UBA6: variants seen among roughly 807,000 people sequenced by gnomAD.
The protein encoded by UBA6 is ubiquitin like modifier activating enzyme 6.
A neutral mutation model predicts 148.3 loss-of-function variants in UBA6; 87 were observed. That is an observed-to-expected ratio of 0.59 (90% CI 0.49 to 0.70). The LOEUF is 0.70. UBA6 is among the 30% of genes least tolerant of loss of function. The probability of loss-of-function intolerance (pLI) is 0.00; values close to 1 mark genes in which losing one functional copy is unlikely to be tolerated. For missense variants in UBA6, 1,186 were observed against 1,241.2 expected (o/e 0.96, Z 0.67); for synonymous variants, 376 against 401.0 (o/e 0.94, Z 0.75).
intron 13 of UBA6, among the ~76,000 whole-genome samples, chr4:67,653,598 A>G (rs574329774): frequency 3.0e-4 from 45 of 152,348 alleles, no homozygotes; most frequent in Middle Eastern, 3.4e-3. Flanking sequence ...CAGAAAAGCC[A>G]AAAATTCTAA....
Position 67,670,536 on chromosome 4 carries a change from A to G in UBA6, c.603T>C (p.Asp201=). 6.2e-7 allele frequency: 1 copy of G among 1,608,012 alleles called. No homozygotes were observed. Among genetic ancestry groups the G allele is most frequent in the Non-Finnish European group, 8.5e-7 (1 of 1,174,610 alleles). The change falls in exon 8 of 33, where the codon GAT becomes GAC. Residue 201 remains aspartate, a synonymous_variant. Coordinates refer to ENST00000322244, the MANE Select transcript of UBA6 (RefSeq NM_018227.6). ...IWSRLFCDFG[D]EFEVLDTTGE... is the part of the protein sequence containing the mutation. ...CTGTTGTATCTAAAACTTCAAATTC[A>G]TCACCGAAATCACAAAATAACCTTG...
intron 2 of UBA6, among the ~76,000 whole-genome samples, chr4:67,692,589 T>C (rs1182904371): frequency 6.6e-6 from 1 of 152,212 alleles, no homozygotes; most frequent in Non-Finnish European, 1.5e-5. Context: ...GCTTTGATTC[T>C]GAGGTCAGGA....
At chr4:67,687,426 T>C (rs1730599634) in intron 2 of UBA6, among the ~76,000 whole-genome samples, 1 of 152,328 alleles carries the variant, frequency 6.6e-6, no homozygotes, top group East Asian at 1.9e-4. Flanking sequence ...CCAGTTCATA[T>C]AAAAGTCAGG....
In UBA6 at chr4:67,694,490, C is replaced by T. The variant is rs1040513300; in HGVS notation, c.134+2155G>A. Reference sequence around the variant, plus strand: ...CACTGCAAGCTCTGCCTCCCCGGTTCATGCCATTCTCCTGCCTCAGCCTCC... The same window carrying T: ...CACTGCAAGCTCTGCCTCCCCGGTTTATGCCATTCTCCTGCCTCAGCCTCC... On this transcript the variant is annotated intron_variant, in intron 2 of 32. Transcript: ENST00000322244. Among the ~76,000 whole-genome samples the T allele has an allele frequency of 4.6e-5, 7 of 151,690 alleles. No individual in the cohort carries two copies. In the East Asian group the frequency reaches 1.4e-3, roughly 30 times the overall value.
At chr4:67,642,517 G>A (rs1294654513) in intron 17 of UBA6, among the ~76,000 whole-genome samples, 1 of 151,906 alleles carries the variant, frequency 6.6e-6, no homozygotes, top group Non-Finnish European at 1.5e-5. Context: ...TTTACACACT[G>A]CCCACACAAC....
intron 2 of UBA6, among the ~76,000 whole-genome samples, chr4:67,682,487 T>C (rs1386464904): frequency 6.6e-6 from 1 of 152,208 alleles, no homozygotes; most frequent in East Asian, 1.9e-4. Context: ...GAGGATTATG[T>C]GCTCCAGATT....
chr4:67,676,131 C>A lies in UBA6; in HGVS notation c.465+1480G>T, dbSNP rs1163906759. On this transcript the variant is annotated intron_variant, in intron 6 of 32. Coordinates refer to ENST00000322244, the MANE Select transcript of UBA6 (RefSeq NM_018227.6). Reference sequence around the variant, plus strand: ...TTCCGCCTCCCGGGTTCAAGCGATTCTCCTGCCTCAGCCTCCCGAGTAGCT... The same window carrying A: ...TTCCGCCTCCCGGGTTCAAGCGATTATCCTGCCTCAGCCTCCCGAGTAGCT... Among the ~76,000 whole-genome samples the A allele has an allele frequency of 2.0e-5, 3 of 147,706 alleles. No homozygotes were observed. In the South Asian group the frequency reaches 6.5e-4, roughly 32 times the overall value.
chr4:67,686,982 A>G, intron 2 of UBA6, among the ~76,000 whole-genome samples: 1 of 139,250 alleles, frequency 7.2e-6, no homozygotes, highest in Non-Finnish European at 1.6e-5. Context: ...AAAAAAAAAA[A>G]AAAAAAAATC....
chr4:67,614,102 A>G lies in UBA6; in HGVS notation c.*4895T>C, dbSNP rs1027880193. 1 of 152,108 alleles carries G rather than the reference A, an allele frequency of 6.6e-6. No individual in the cohort carries two copies. The highest frequency in any genetic ancestry group is 2.4e-5 in the African/African-American group (1 of 41,422). 9.4% of individuals were successfully genotyped at this position (152,108 alleles called of 1,614,324 possible). On this transcript the variant is annotated 3_prime_UTR_variant, in exon 33 of 33. Transcript: ENST00000322244. ...CTGAGAGTTTCCTCTGCACAATAAAACTTGTTCTCCACAATCTCTTATTTA... is the reference window on the plus strand; with the variant it reads ...CTGAGAGTTTCCTCTGCACAATAAAGCTTGTTCTCCACAATCTCTTATTTA...
intron 13 of UBA6, among the ~76,000 whole-genome samples, chr4:67,654,893 C>T (rs1299478033): frequency 6.7e-6 from 1 of 149,998 alleles, no homozygotes; most frequent in African/African-American, 2.4e-5. Flanking sequence ...GGTTGCAATC[C>T]TAGTCTCTGA....
intron 7 of UBA6, among the ~76,000 whole-genome samples, chr4:67,670,899 C>T (rs138059869): frequency 6.6e-6 from 1 of 152,138 alleles, no homozygotes; most frequent in East Asian, 1.9e-4. Flanking sequence ...AATTCAAGCA[C>T]AACATAAAAG....
chr4:67,677,779 C>G (rs1730320526), intron 5 of UBA6, 57 bp from the exon 6 acceptor site: 1 of 882,948 alleles, frequency 1.1e-6, no homozygotes, highest in Admixed American at 2.3e-5. Context: ...CAAATCTCTT[C>G]AAGTTGGACA....
intron 28 of UBA6, 67 bp downstream of exon 28, chr4:67,626,293 G>A: frequency 1.2e-6 from 1 of 865,130 alleles, no homozygotes; most frequent in Non-Finnish European, 1.9e-6. Context: ...CAAATTCTTA[G>A]GTGTAGAGCT....
At chr4:67,653,509 A>T (rs950216166) in intron 13 of UBA6, among the ~76,000 whole-genome samples, 1 of 152,216 alleles carries the variant, frequency 6.6e-6, no homozygotes, top group African/African-American at 2.4e-5. Flanking sequence ...AAGGACATCC[A>T]CACCAAAACG....
chr4:67,619,607 CAG>C (rs1429408082), intron 32 of UBA6, among the ~76,000 whole-genome samples: 1 of 152,174 alleles, frequency 6.6e-6, no homozygotes, highest in Non-Finnish European at 1.5e-5. Context: ...ACCTGGGAGA[CAG>C]AGGTTGCAAC....
rs1728673744 is a variant in UBA6, at chr4:67,618,273, C to G, written c.*724G>C. The G allele has an allele frequency of 6.6e-6, 1 of 152,562 alleles. No individual in the cohort carries two copies. Among genetic ancestry groups the G allele is most frequent in the East Asian group, 1.9e-4 (1 of 5,192 alleles). The allele number at this position is 152,562 out of a possible 1,614,324, so 9.5% of individuals were successfully genotyped here. A position where few individuals can be genotyped will look rare whatever the true frequency, so the allele number is the denominator to read the frequency against. ...AAATGGTTAGCCACATTTGTCTGTT[C>G]ACATTCACGGATTCTCTAAGAGCGT... On this transcript the variant is annotated 3_prime_UTR_variant, in exon 33 of 33. Coordinates refer to ENST00000322244, the MANE Select transcript of UBA6 (RefSeq NM_018227.6).
At chr4:67,630,412 ATCTAAT>A (rs753733296) in intron 26 of UBA6, 48 bp downstream of exon 26, 7 of 1,139,622 alleles carry the variant, frequency 6.1e-6, no homozygotes, top group South Asian at 5.7e-5. Flanking sequence ...TGCATCAGTC[ATCTAAT>A]TCTAATTTGG....
At chr4:67,660,740 C>A (rs1426107793) in intron 13 of UBA6, among the ~76,000 whole-genome samples, 1 of 152,136 alleles carries the variant, frequency 6.6e-6, no homozygotes, top group African/African-American at 2.4e-5. Context: ...CCACAGTCCT[C>A]CAGATCCCGG....
At chr4:67,626,723 A>C (rs945775646) in intron 27 of UBA6, among the ~76,000 whole-genome samples, 1 of 151,858 alleles carries the variant, frequency 6.6e-6, no homozygotes, top group South Asian at 2.1e-4. Context: ...AGGGATCTTT[A>C]TGTATCTTGT....
Sources: allele counts gnomAD v4.1 joint callset (sites outside exome capture counted in the v4.1 genomes callset), GRCh38; gene constraint gnomAD v4.1.1; transcripts MANE v1.5; gene names NCBI Gene and HGNC (gene_info 2026-07-23, HGNC 2026-07-21).